Variants in ADCY8 observed in about 807,000 individuals in gnomAD.
ADCY8 encodes the protein adenylate cyclase 8.
Under a neutral mutation model 119.7 loss-of-function variants are expected in ADCY8, and 51 were observed. That is an observed-to-expected ratio of 0.43 (90% CI 0.34 to 0.54). The LOEUF (loss-of-function observed/expected upper bound fraction) is 0.54, where lower values mean the gene tolerates loss of function less well. Ranked by LOEUF, ADCY8 falls within the 20% of genes least tolerant of loss-of-function variation. The pLI is 0.03. For synonymous variants in ADCY8, 665 were observed against 651.0 expected, an observed-to-expected ratio of 1.02 and a Z score of -0.33; for missense variants, 1,383 against 1,598.8, an observed-to-expected ratio of 0.87 and a Z score of 2.30.
At chr8:130,858,138 C>T (rs1341109778) in intron 9 of ADCY8, among the ~76,000 whole-genome samples, 1 of 151,874 alleles carries the variant, frequency 6.6e-6, no homozygotes, top group Non-Finnish European at 1.5e-5. Context: ...TAGCACATTT[C>T]CTGTTCCAGC....
intron 2 of ADCY8, among the ~76,000 whole-genome samples, chr8:130,976,493 C>T (rs943451314): frequency 6.6e-6 from 1 of 152,134 alleles, no homozygotes; most frequent in Non-Finnish European, 1.5e-5. Flanking sequence ...TATCCCTATG[C>T]CATAATACAT....
chr8:131,040,647 C>T lies in ADCY8; in HGVS notation c.-314G>A, dbSNP rs543633229. 4 of 261,122 alleles carry T rather than the reference C, an allele frequency of 1.5e-5. No individual in the cohort carries two copies. In the Admixed American group the frequency reaches 1.6e-4, roughly 10 times the overall value. 16.2% of individuals were successfully genotyped at this position (261,122 alleles called of 1,614,324 possible). ...GCCGCAGCGCTGTGAGCCACGCAGCCCCTTCCTGGGCTCAGGCTCCTTGGT... is the reference window on the plus strand; with the variant it reads ...GCCGCAGCGCTGTGAGCCACGCAGCTCCTTCCTGGGCTCAGGCTCCTTGGT... On this transcript the variant is annotated 5_prime_UTR_variant, in exon 1 of 18. Transcript: ENST00000286355.
chr8:130,808,055 C>T (rs1179324756), intron 14 of ADCY8, among the ~76,000 whole-genome samples: 1 of 122,720 alleles, frequency 8.1e-6, no homozygotes, highest in Non-Finnish European at 1.7e-5. Context: ...TATAACAGCA[C>T]AAACAAACTA....
chr8:130,858,513 T>A (rs1817821554), intron 9 of ADCY8, among the ~76,000 whole-genome samples: 1 of 152,170 alleles, frequency 6.6e-6, no homozygotes, highest in African/African-American at 2.4e-5. Context: ...ACTTACTAGA[T>A]CCCATTAACA....
chr8:130,812,370 C>A (rs1816196553), intron 14 of ADCY8, among the ~76,000 whole-genome samples: 1 of 152,204 alleles, frequency 6.6e-6, no homozygotes, highest in Admixed American at 6.5e-5. Context: ...CCTCCTGCCA[C>A]CAACACTCAT....
At chr8:130,891,380 G>A (rs1819181785) in intron 7 of ADCY8, among the ~76,000 whole-genome samples, 1 of 152,120 alleles carries the variant, frequency 6.6e-6, no homozygotes, top group Admixed American at 6.6e-5. Context: ...ACCCCTGGAA[G>A]AGAAGGCTTC....
chr8:130,938,899 C>T (rs549393784), intron 4 of ADCY8, among the ~76,000 whole-genome samples: 15 of 152,214 alleles, frequency 9.9e-5, no homozygotes, highest in Non-Finnish European at 1.9e-4. Flanking sequence ...ACACAGCTGA[C>T]AATTAGGTCT....
chr8:131,000,885 G>C (rs1026378049), intron 1 of ADCY8, among the ~76,000 whole-genome samples: 2 of 152,064 alleles, frequency 1.3e-5, no homozygotes, highest in African/African-American at 4.8e-5. Context: ...TTCCAGCACA[G>C]TCTAGAAGAC....
chr8:130,780,832 T>A lies in ADCY8; in HGVS notation c.3314A>T (p.Lys1105Ile), dbSNP rs1815054688. ...TTTGCCCCAAATGTCATACTGTGGT[T>A]TCTTAGCGCCGATAACGCCAGCTAC... ...SVVAGVIGAK[K>I]PQYDIWGKTV... The change falls in exon 18 of 18, where the codon AAA becomes ATA. Residue 1105 changes from lysine (K) to isoleucine (I), a missense_variant. Lys to Ile is a moderately radical substitution (Grantham distance 102). Transcript: ENST00000286355. The A allele has an allele frequency of 6.2e-7, 1 of 1,614,006 alleles. No homozygotes were observed. The highest frequency in any genetic ancestry group is 1.3e-5 in the African/African-American group (1 of 74,906).
rs146135421 is a variant in ADCY8 at position 130,869,548 on chromosome 8, C to T, written c.2110-1602G>A. Reference sequence around the variant, plus strand: ...TTTGTTTTTTTTTGAGACAGAGTCTCGCTCTGTCGCCCAGGCTGGAGTGCA... The same window carrying T: ...TTTGTTTTTTTTTGAGACAGAGTCTTGCTCTGTCGCCCAGGCTGGAGTGCA... On this transcript the variant is annotated intron_variant, in intron 8 of 17. Coordinates refer to ENST00000286355, the MANE Select transcript of ADCY8 (RefSeq NM_001115.3). 8.6e-3 allele frequency among the ~76,000 whole-genome samples: 1,193 copies of T among 138,700 alleles called. 4 individuals are homozygous for T. The highest frequency in any genetic ancestry group is 0.027 in the South Asian group (121 of 4,436). The allele number at this position is 138,700 out of a possible 152,430, so 91.0% of individuals were successfully genotyped here.
At chr8:131,028,695 C>T (rs929864688) in intron 1 of ADCY8, among the ~76,000 whole-genome samples, 1 of 152,108 alleles carries the variant, frequency 6.6e-6, no homozygotes, top group Non-Finnish European at 1.5e-5. Flanking sequence ...AGTTAGGGTA[C>T]AATATGGTCT....
chr8:130,991,413 C>T (rs1367888243), intron 1 of ADCY8, among the ~76,000 whole-genome samples: 2 of 152,140 alleles, frequency 1.3e-5, no homozygotes, highest in African/African-American at 4.8e-5. Flanking sequence ...AAGAAAAGAA[C>T]CCGGTGAAAG....
intron 3 of ADCY8, among the ~76,000 whole-genome samples, chr8:130,951,519 G>A (rs1821270761): frequency 6.6e-6 from 1 of 152,186 alleles, no homozygotes; most frequent in African/African-American, 2.4e-5. Flanking sequence ...AGGAGGGGAT[G>A]TATGTGATCA....
intron 5 of ADCY8, among the ~76,000 whole-genome samples, chr8:130,915,226 A>T (rs966837964): frequency 7.2e-5 from 11 of 152,248 alleles, no homozygotes; most frequent in African/African-American, 2.7e-4. Flanking sequence ...TATTTCTTTT[A>T]ACTGAACTAT....
At chr8:130,979,643 C>T (rs1260519455) in intron 2 of ADCY8, among the ~76,000 whole-genome samples, 1 of 152,094 alleles carries the variant, frequency 6.6e-6, no homozygotes, top group African/African-American at 2.4e-5. Context: ...GGTCTGAGTA[C>T]CAGGTGTACA....
chr8:131,025,616 A>G (rs184919486), intron 1 of ADCY8, among the ~76,000 whole-genome samples: 6 of 152,282 alleles, frequency 3.9e-5, no homozygotes, highest in Admixed American at 1.3e-4. Context: ...CATAATTCCA[A>G]TCTTACCTGC....
At chr8:130,951,598 C>G (rs1821272853) in intron 3 of ADCY8, among the ~76,000 whole-genome samples, 3 of 152,158 alleles carry the variant, frequency 2.0e-5, no homozygotes, top group Non-Finnish European at 2.9e-5. Flanking sequence ...GTTTGCCTTT[C>G]CCACTCAAAA....
At chr8:130,888,161 A>G (rs989751738) in intron 7 of ADCY8, among the ~76,000 whole-genome samples, 1 of 151,924 alleles carries the variant, frequency 6.6e-6, no homozygotes, top group Admixed American at 6.6e-5. Context: ...AAACAAATGG[A>G]CAAAATGGAA....
rs139055482 is a variant in ADCY8, at chr8:130,977,814, C to T, written c.1110+12579G>A. On this transcript the variant is annotated intron_variant, in intron 2 of 17. Coordinates refer to ENST00000286355, the MANE Select transcript of ADCY8 (RefSeq NM_001115.3). Reference sequence around the variant, plus strand: ...AGGCATCTGGATTCATTAGTGAATTCTCCTTTTCAGGCTCTGTGTTGCAGA... The same window carrying T: ...AGGCATCTGGATTCATTAGTGAATTTTCCTTTTCAGGCTCTGTGTTGCAGA... Among the ~76,000 whole-genome samples the T allele has an allele frequency of 1.2e-4, 18 of 152,328 alleles. 1 individual carries two copies. Among genetic ancestry groups the T allele is most frequent in the African/African-American group, 4.1e-4 (17 of 41,580 alleles).
Sources: gnomAD v4.1 joint callset for allele counts (sites outside exome capture counted in the v4.1 genomes callset) on GRCh38, gnomAD v4.1.1 for gene constraint, MANE v1.5 for transcripts, NCBI Gene and HGNC (gene_info 2026-07-23, HGNC 2026-07-21) for gene names.